The following LYPD6 variants were observed in gnomAD, a reference collection of about 807,000 sequenced individuals.
LYPD6 encodes ly6/PLAUR domain-containing protein 6.
In LYPD6, 15 loss-of-function variants were observed where a neutral mutation model predicts 22.7. The observed-to-expected ratio is 0.66, with a 90% CI of 0.44 to 1.02. The LOEUF (loss-of-function observed/expected upper bound fraction) is 1.02. LYPD6 is among the 50% of genes least tolerant of loss of function. The pLI is 0.00. For missense variants in LYPD6, 189 were observed against 208.4 expected (o/e 0.91, Z 0.57); for synonymous variants, 72 against 77.5 (o/e 0.93, Z 0.37).
At chr2:149,363,714 A>G (rs79234187) in intron 1 of LYPD6, among the ~76,000 whole-genome samples, 1,574 of 152,320 alleles carry the variant, frequency 0.01, 14 homozygotes, top group Non-Finnish European at 0.014. Context: ...TGAATGATAA[A>G]TCACATGGGA....
At chr2:149,357,050 AAGTT>A (rs779087958) in intron 1 of LYPD6, among the ~76,000 whole-genome samples, 9 of 152,114 alleles carry the variant, frequency 5.9e-5, no homozygotes, top group Non-Finnish European at 1.3e-4. Context: ...TTTTTTCCCC[AAGTT>A]AATGGTGCTA....
chr2:149,390,697 ATGAC>A (rs1349778038), intron 1 of LYPD6, among the ~76,000 whole-genome samples: 11 of 152,198 alleles, frequency 7.2e-5, no homozygotes, highest in Non-Finnish European at 1.5e-4. Context: ...TCTTAGTATT[ATGAC>A]TTCTTGATGT....
chr2:149,405,430 C>G (rs1440347250), intron 1 of LYPD6, among the ~76,000 whole-genome samples: 1 of 152,158 alleles, frequency 6.6e-6, no homozygotes, highest in East Asian at 1.9e-4. Flanking sequence ...TTGGTCTATT[C>G]AGGGATTCAA....
chr2:149,390,367 G>C (rs1234744800), intron 1 of LYPD6, among the ~76,000 whole-genome samples: 1 of 152,206 alleles, frequency 6.6e-6, no homozygotes, highest in Non-Finnish European at 1.5e-5. Context: ...ACATGCTGTA[G>C]CTGTGAAGCT....
intron 1 of LYPD6, among the ~76,000 whole-genome samples, chr2:149,422,519 C>T (rs1007473993): frequency 6.6e-6 from 1 of 151,982 alleles, no homozygotes; most frequent in Non-Finnish European, 1.5e-5. Context: ...GCTGCCACAC[C>T]CATTTGAAAT....
chr2:149,410,806 T>G (rs1283570600), intron 1 of LYPD6, among the ~76,000 whole-genome samples: 1 of 152,232 alleles, frequency 6.6e-6, no homozygotes, highest in Admixed American at 6.5e-5. Flanking sequence ...AGGTGATGTG[T>G]AATACATTTG....
rs1681260903 is a variant in LYPD6 at position 149,468,663 on chromosome 2, C to T, written c.236C>T (p.Thr79Ile). The change falls in exon 4 of 5, where the codon ACT (threonine) becomes ATT (isoleucine). Residue 79 changes from threonine (T) to isoleucine (I), a missense_variant. Coordinates refer to ENST00000334166, the MANE Select transcript of LYPD6 (RefSeq NM_194317.5). The part of the protein sequence containing the change: ...YCPRETRYCY[T>I]QHTMEVTGNS... ...TTGACAGAGACCAGATACTGCTACA[C>T]TCAGCACACAATGGAAGTCACAGGA... 6.2e-7 allele frequency: 1 copy of T among 1,613,418 alleles called. No individual in the cohort carries two copies. The highest frequency in any genetic ancestry group is 1.3e-5 in the African/African-American group (1 of 74,876).
intron 1 of LYPD6, among the ~76,000 whole-genome samples, chr2:149,426,223 T>C (rs947498364): frequency 1.3e-5 from 2 of 152,198 alleles, no homozygotes; most frequent in Non-Finnish European, 2.9e-5. Flanking sequence ...CCTACCAGAT[T>C]AGTAATTACA....
intron 1 of LYPD6, among the ~76,000 whole-genome samples, chr2:149,435,563 G>C (rs544533609): frequency 1.8e-4 from 28 of 152,336 alleles, no homozygotes; most frequent in African/African-American, 6.7e-4. Flanking sequence ...AAAGCCAGAT[G>C]GATGTGGAAA....
intron 1 of LYPD6, among the ~76,000 whole-genome samples, chr2:149,402,974 T>C (rs1682597136): frequency 6.7e-6 from 1 of 150,226 alleles, no homozygotes; most frequent in African/African-American, 2.4e-5. Flanking sequence ...AGTGAGAACA[T>C]GCAGTGTTTG....
chr2:149,339,402 A>G (rs750499568), intron 1 of LYPD6, among the ~76,000 whole-genome samples: 31 of 152,206 alleles, frequency 2.0e-4, no homozygotes, highest in Non-Finnish European at 3.7e-4. Context: ...AAAGCTTCCA[A>G]GGTCTCATAG....
At chr2:149,416,280 C>T (rs990524584) in intron 1 of LYPD6, among the ~76,000 whole-genome samples, 5 of 152,186 alleles carry the variant, frequency 3.3e-5, no homozygotes, top group African/African-American at 1.2e-4. Context: ...TGCTGGCTTA[C>T]TTAATGATGT....
At chr2:149,470,558 T>A (rs1364348752) in intron 4 of LYPD6, 125 bp from the exon 5 acceptor site, 5 of 740,724 alleles carry the variant, frequency 6.8e-6, no homozygotes, top group Non-Finnish European at 1.1e-5. Context: ...AGAGTTGGCA[T>A]CTCCTTTATA....
chr2:149,344,256 A>G (rs1681213768), intron 1 of LYPD6, among the ~76,000 whole-genome samples: 2 of 152,134 alleles, frequency 1.3e-5, no homozygotes, highest in Non-Finnish European at 2.9e-5. Flanking sequence ...CTGTTAGAAA[A>G]TCTCTGCATC....
At chr2:149,478,122 T>C (rs1681470923), downstream of LYPD6, among the ~76,000 whole-genome samples, 1 of 152,144 alleles carries the variant, frequency 6.6e-6, no homozygotes, top group Non-Finnish European at 1.5e-5. Flanking sequence ...AATTACCTGA[T>C]GTTTTAGAGC....
intron 1 of LYPD6, among the ~76,000 whole-genome samples, chr2:149,412,719 G>C (rs1259588473): frequency 6.6e-6 from 1 of 152,094 alleles, no homozygotes; most frequent in Non-Finnish European, 1.5e-5. Flanking sequence ...ATTATCGTTG[G>C]AAGCCAAAGT....
chr2:149,466,032 A>G (rs1681192709), intron 3 of LYPD6, among the ~76,000 whole-genome samples: 1 of 152,110 alleles, frequency 6.6e-6, no homozygotes, highest in Non-Finnish European at 1.5e-5. Context: ...ATATTACCTC[A>G]TTACTAACCC....
intron 1 of LYPD6, among the ~76,000 whole-genome samples, chr2:149,378,080 T>G (rs1681970635): frequency 6.6e-6 from 1 of 152,136 alleles, no homozygotes; most frequent in South Asian, 2.1e-4. Context: ...CCTAGCTATG[T>G]GTAACTCATA....
intron 1 of LYPD6, among the ~76,000 whole-genome samples, chr2:149,357,161 T>G (rs1425286522): frequency 6.6e-6 from 1 of 152,340 alleles, no homozygotes; most frequent in South Asian, 2.1e-4. Flanking sequence ...TGGCTCCTAC[T>G]TAGTTATCTA....
Sources: allele counts gnomAD v4.1 joint callset (sites outside exome capture counted in the v4.1 genomes callset), GRCh38; gene constraint gnomAD v4.1.1; transcripts MANE v1.5; gene names NCBI Gene and HGNC (gene_info 2026-07-23, HGNC 2026-07-21).